Variants in DPYSL2 observed in about 807,000 individuals in gnomAD.
DPYSL2 encodes the protein dihydropyrimidinase like 2.
Under a neutral mutation model 69.9 loss-of-function variants are expected in DPYSL2, and 13 were observed. The ratio of observed to expected loss-of-function variants is 0.19; its 90% CI spans 0.12 to 0.30. The LOEUF is 0.30. Among genes scored for constraint, DPYSL2 ranks in the 10% least tolerant of loss-of-function variants. The pLI is 1.00. For missense variants in DPYSL2, 587 were observed against 918.9 expected (o/e 0.64, Z 4.67); for synonymous variants, 326 against 359.1 (o/e 0.91, Z 1.04).
At chr8:26,623,168 T>G (rs951543701) in intron 3 of DPYSL2, among the ~76,000 whole-genome samples, 2 of 152,014 alleles carry the variant, frequency 1.3e-5, no homozygotes, top group Non-Finnish European at 2.9e-5. Context: ...AGGCAGCAGG[T>G]AGATATTTTA....
rs1442652721 is a variant in DPYSL2, at chr8:26,556,250, G to GTATATATATAGTA, written c.355-25709_355-25708insGTATATATATATA. ...ATATAGTATTTATATAATATATATA[G>GTATATATATAGTA]TATATATATACTATAGTATATATAG... On this transcript the variant is annotated intron_variant, in intron 1 of 13. Transcript: ENST00000521913. Among the ~76,000 whole-genome samples the GTATATATATAGTA allele has an allele frequency of 3.6e-3, 23 of 6,440 alleles. 3 individuals carry two copies. The highest frequency in any genetic ancestry group is 8.8e-3 in the South Asian group (2 of 226). 4.2% of individuals were successfully genotyped at this position (6,440 alleles called of 152,430 possible).
chr8:26,655,782 CCT>C lies in DPYSL2; in HGVS notation c.*77_*78del. On this transcript the variant is annotated 3_prime_UTR_variant, in exon 14 of 14. Transcript: ENST00000521913. ...ACATTCTGAGACTTCTTTCTTCCTT[CCT>C]TTTTTTTTTTTTGTTTTTTTTTTTA... The C allele has an allele frequency of 8.5e-7, 1 of 1,183,204 alleles. No homozygotes were observed. The highest frequency in any genetic ancestry group is 1.9e-5 in the South Asian group (1 of 52,560). 73.3% of individuals were successfully genotyped at this position (1,183,204 alleles called of 1,614,324 possible). A position where few individuals can be genotyped will look rare whatever the true frequency, so the allele number is the denominator to read the frequency against.
intron 7 of DPYSL2, among the ~76,000 whole-genome samples, chr8:26,629,460 C>A (rs1802693389): frequency 6.6e-6 from 1 of 152,190 alleles, no homozygotes; most frequent in Admixed American, 6.5e-5. Context: ...ATTTTCCTCT[C>A]CCCAGATGAC....
At position 26,644,162 on chromosome 8, in the gene DPYSL2, G is replaced by T. The variant is rs1347444769; in HGVS notation, c.1425+71G>T. 1.2e-5 allele frequency: 19 copies of T among 1,542,712 alleles called. No individual in the cohort carries two copies. The highest frequency in any genetic ancestry group is 1.6e-5 in the Non-Finnish European group (18 of 1,141,380). On this transcript the variant is annotated intron_variant, in intron 10 of 13. Transcript: ENST00000521913. This position sits in a 1 kb window ranked among gnomAD's most constrained non-coding sequence, Gnocchi z 4.5. Reference sequence around the variant, plus strand: ...GTCCTCCTCATCTGGGGGCCATGGGGCTCATGGAGGCCTTGAAATGACAGA... The same window carrying T: ...GTCCTCCTCATCTGGGGGCCATGGGTCTCATGGAGGCCTTGAAATGACAGA...
rs544689645 is a variant in DPYSL2, at chr8:26,561,937, T to A, written c.355-20032T>A. On this transcript the variant is annotated intron_variant, in intron 1 of 13. Coordinates refer to ENST00000521913, the MANE Select transcript of DPYSL2 (RefSeq NM_001197293.3). Reference sequence around the variant, plus strand: ...CGGGTACTGGTCTGCAGCCCAGGGGTTGGGGACCCCTGCGTTAATATACCA... The same window carrying A: ...CGGGTACTGGTCTGCAGCCCAGGGGATGGGGACCCCTGCGTTAATATACCA... 1.8e-3 allele frequency among the ~76,000 whole-genome samples: 270 copies of A among 152,144 alleles called. 1 individual carries two copies. The highest frequency in any genetic ancestry group is 6.8e-3 in the Middle Eastern group (2 of 294).
rs998701530 is a variant in DPYSL2 at position 26,593,639 on chromosome 8, G to A, written c.628+9656G>A. On this transcript the variant is annotated intron_variant, in intron 3 of 13. Transcript: ENST00000521913. This position sits in a 1 kb window ranked among gnomAD's most constrained non-coding sequence, Gnocchi z 5.7. ...CCTTCAGTTGCTGTCCTTGGTGTTC[G>A]GGAAGGTTTTACTTGGCTAATTCCC... Among the ~76,000 whole-genome samples the A allele has an allele frequency of 2.0e-5, 3 of 152,140 alleles. No individual in the cohort carries two copies. The highest frequency in any genetic ancestry group is 4.4e-5 in the Non-Finnish European group (3 of 68,024).
intron 3 of DPYSL2, among the ~76,000 whole-genome samples, chr8:26,584,933 G>C (rs1801566744): frequency 6.6e-6 from 1 of 152,072 alleles, no homozygotes; most frequent in Non-Finnish European, 1.5e-5. Flanking sequence ...TGTGCTTTTT[G>C]TTTAACTAAA....
intron 11 of DPYSL2, among the ~76,000 whole-genome samples, chr8:26,649,491 C>T (rs556759698): frequency 6.6e-6 from 1 of 152,210 alleles, no homozygotes; most frequent in African/African-American, 2.4e-5. Flanking sequence ...TTCACCCCAA[C>T]CTACCCTGCT....
intron 1 of DPYSL2, among the ~76,000 whole-genome samples, chr8:26,526,235 C>T (rs1045354031): frequency 6.6e-6 from 1 of 152,152 alleles, no homozygotes; most frequent in African/African-American, 2.4e-5. Flanking sequence ...GCTGGGACTA[C>T]AGGTATGTGC....
At position 26,571,966 on chromosome 8, in the gene DPYSL2, C is replaced by A. The variant is rs1460927837; in HGVS notation, c.355-10003C>A. ...CCAGCTCAAGTGTCCTAGTCAATGCCCTTTGTTTTGGCAAAGAAGGATTCC... is the reference window on the plus strand; with the variant it reads ...CCAGCTCAAGTGTCCTAGTCAATGCACTTTGTTTTGGCAAAGAAGGATTCC... On this transcript the variant is annotated intron_variant, in intron 1 of 13. Transcript: ENST00000521913. This position sits in a 1 kb window ranked among gnomAD's most constrained non-coding sequence, Gnocchi z 6.1. Among the ~76,000 whole-genome samples the A allele has an allele frequency of 6.6e-6, 1 of 152,188 alleles. No homozygotes were observed. Among genetic ancestry groups the A allele is most frequent in the Non-Finnish European group, 1.5e-5 (1 of 68,044 alleles).
Position 26,647,781 on chromosome 8 carries a change from C to T in DPYSL2, c.1577C>T (p.Ser526Phe). The T allele has an allele frequency of 6.2e-7, 1 of 1,613,676 alleles. No homozygotes were observed. Among genetic ancestry groups the T allele is most frequent in the Non-Finnish European group, 8.5e-7 (1 of 1,179,756 alleles). ...GACCCCGACAGCGTTAAAACCATCT[C>T]TGCCAAGACACACAACAGCGTAAGA... ...IWDPDSVKTI[S>F]AKTHNSSLEY... Residue 526 changes from serine to phenylalanine, a missense_variant, in exon 11 of 14, where the codon TCT (serine) becomes TTT (phenylalanine). Ser to Phe is a radical substitution (Grantham distance 155). This residue lies in a region of DPYSL2 where 452 missense variants were observed against 754.3 expected (regional missense o/e 0.60). Transcript: ENST00000521913. This position sits in a 1 kb window ranked among gnomAD's most constrained non-coding sequence, Gnocchi z 5.1.
intron 1 of DPYSL2, among the ~76,000 whole-genome samples, chr8:26,553,984 C>T (rs575236381): frequency 8.0e-5 from 12 of 149,480 alleles, no homozygotes; most frequent in African/African-American, 2.2e-4. Context: ...CTCTGCTTTC[C>T]GGGTTCAAGC....
At chr8:26,534,379 G>A (rs958439855) in intron 1 of DPYSL2, among the ~76,000 whole-genome samples, 2 of 151,664 alleles carry the variant, frequency 1.3e-5, no homozygotes, top group Non-Finnish European at 2.9e-5. Context: ...GGCTGGTCTC[G>A]AACTCCTGGG....
intron 1 of DPYSL2, among the ~76,000 whole-genome samples, chr8:26,524,324 C>T (rs1380297913): frequency 1.3e-5 from 2 of 152,066 alleles, no homozygotes; most frequent in Non-Finnish European, 2.9e-5. Flanking sequence ...ATTCTGATTT[C>T]AATTTTTATT....
At position 26,597,927 on chromosome 8, in the gene DPYSL2, A is replaced by G. The variant is rs527712634; in HGVS notation, c.628+13944A>G. 3.9e-5 allele frequency among the ~76,000 whole-genome samples: 6 copies of G among 152,152 alleles called. No homozygotes were observed. In the East Asian group the frequency reaches 9.7e-4, roughly 25 times the overall value. Reference sequence around the variant, plus strand: ...TGTAATGGAAAGAATTTGAGGCCCAACCTTCTTGATGATGCATCTTCATGG... The same window carrying G: ...TGTAATGGAAAGAATTTGAGGCCCAGCCTTCTTGATGATGCATCTTCATGG... On this transcript the variant is annotated intron_variant, in intron 3 of 13. Transcript: ENST00000521913. The surrounding 1 kb of genome is among the most constrained non-coding windows in gnomAD (Gnocchi z 5.2).
In DPYSL2 at chr8:26,600,615, G is replaced by A. The variant is rs569293309; in HGVS notation, c.628+16632G>A. Among the ~76,000 whole-genome samples the A allele has an allele frequency of 1.5e-3, 223 of 152,316 alleles. 5 individuals are homozygous for A. The South Asian group carries it at 0.045, about 31-fold the overall frequency. ...TGTGATGTGAGAACTTGGTTTGGGT[G>A]TGTTTTCCCTACTCTGCACTGGCTC... On this transcript the variant is annotated intron_variant, in intron 3 of 13. Coordinates refer to ENST00000521913, the MANE Select transcript of DPYSL2 (RefSeq NM_001197293.3).
At chr8:26,615,869 T>A (rs1018711983) in intron 3 of DPYSL2, among the ~76,000 whole-genome samples, 1 of 152,212 alleles carries the variant, frequency 6.6e-6, no homozygotes, top group African/African-American at 2.4e-5. Flanking sequence ...ACAAGGCAAG[T>A]AGTTCACCCT....
At chr8:26,629,764 T>A (rs116814795) in intron 7 of DPYSL2, among the ~76,000 whole-genome samples, 20,525 of 152,160 alleles carry the variant, frequency 0.13, 1,608 homozygotes, top group Non-Finnish European at 0.18. Flanking sequence ...ATTTTATTTT[T>A]TTTCCTTTTT....
chr8:26,590,743 G>T (rs1009687598), intron 3 of DPYSL2, among the ~76,000 whole-genome samples: 1 of 152,264 alleles, frequency 6.6e-6, no homozygotes, highest in African/African-American at 2.4e-5. Flanking sequence ...GCCTGGCACT[G>T]AGCAGAGCGG....
Sources: allele counts gnomAD v4.1 joint callset (sites outside exome capture counted in the v4.1 genomes callset), GRCh38; gene constraint gnomAD v4.1.1; regional missense constraint gnomAD v4.1.1; non-coding constraint Gnocchi (gnomAD v3.1); transcripts MANE v1.5; gene names NCBI Gene and HGNC (gene_info 2026-07-23, HGNC 2026-07-21).